NDUFB8: variants seen among roughly 807,000 people sequenced by gnomAD.
The protein encoded by NDUFB8 is NADH:ubiquinone oxidoreductase subunit B8.
In NDUFB8, 17 loss-of-function variants were observed where a neutral mutation model predicts 26.0. The ratio of observed to expected loss-of-function variants is 0.65; its 90% CI spans 0.45 to 0.98. The LOEUF is 0.98. Among genes scored for constraint, NDUFB8 ranks in the 50% least tolerant of loss-of-function variants. NDUFB8 has a pLI of 0.00. For synonymous variants in NDUFB8, 89 were observed against 93.1 expected, an observed-to-expected ratio of 0.96 and a Z score of 0.25; for missense variants, 238 against 255.0, an observed-to-expected ratio of 0.93 and a Z score of 0.45.
At chr10:100,523,991 C>T in intron 4 of NDUFB8, 62 bp from the exon 5 acceptor site, 1 of 1,610,224 alleles carries the variant, frequency 6.2e-7, no homozygotes, top group Non-Finnish European at 8.5e-7. Context: ...CTACACCCCA[C>T]TCTGAGTTAA....
At chr10:100,527,133 C>A (rs1009587669) in intron 2 of NDUFB8, 59 bp from the exon 3 acceptor site, 13 of 1,375,864 alleles carry the variant, frequency 9.4e-6, no homozygotes, top group Non-Finnish European at 1.3e-5. Context: ...AATTCAGAGT[C>A]TCCTCATCTT....
intron 4 of NDUFB8, 73 bp downstream of exon 4, chr10:100,526,326 C>T: frequency 6.7e-7 from 1 of 1,491,344 alleles, no homozygotes; most frequent in Non-Finnish European, 8.9e-7. Flanking sequence ...TGGATTCCTA[C>T]CCCAGAGACT....
At chr10:100,526,829 T>C (rs1275181310) in intron 3 of NDUFB8, 146 bp downstream of exon 3, 20 of 796,906 alleles carry the variant, frequency 2.5e-5, no homozygotes, top group Non-Finnish European at 3.1e-5. Flanking sequence ...GTGTGCCACA[T>C]GCAATCTCAG....
At chr10:100,529,885 C>G (rs1239096003), upstream of NDUFB8, 2 of 1,607,972 alleles carry the variant, frequency 1.2e-6, no homozygotes, top group East Asian at 2.2e-5. Flanking sequence ...TCTGCACATG[C>G]GCAAAGGCCT....
Sources: allele counts gnomAD v4.1 joint callset, GRCh38; gene constraint gnomAD v4.1.1; transcripts MANE v1.5; gene names NCBI Gene and HGNC (gene_info 2026-07-23, HGNC 2026-07-21).